The following ZNF618 variants were observed in gnomAD, a reference collection of about 807,000 sequenced individuals.
ZNF618 encodes the protein zinc finger protein 618.
ZNF618 carries 34 observed loss-of-function variants against 103.0 expected under a neutral mutation model. The observed-to-expected ratio is 0.33, with a 90% CI of 0.25 to 0.44. The LOEUF is 0.44. Ranked by LOEUF, ZNF618 falls within the 20% of genes least tolerant of loss-of-function variation. ZNF618 has a pLI of 1.00. For missense variants in ZNF618, 1,059 were observed against 1,295.4 expected, an observed-to-expected ratio of 0.82 and a Z score of 2.80; for synonymous variants, 551 against 542.2, an observed-to-expected ratio of 1.02 and a Z score of -0.23.
intron 10 of ZNF618, among the ~76,000 whole-genome samples, chr9:114,020,782 T>G (rs1258179472): frequency 2.0e-5 from 3 of 152,058 alleles, no homozygotes. Flanking sequence ...TCTGTATTCT[T>G]TTTATTTTTT....
chr9:113,974,895 C>T (rs942797298), intron 2 of ZNF618, among the ~76,000 whole-genome samples: 5 of 152,186 alleles, frequency 3.3e-5, no homozygotes. Context: ...GGCTCCTTAC[C>T]TAGCCTTCCT....
intron 1 of ZNF618, among the ~76,000 whole-genome samples, chr9:113,914,891 C>T (rs1264695590): frequency 6.6e-6 from 1 of 152,184 alleles, no homozygotes; most frequent in Admixed American, 6.5e-5. Flanking sequence ...CCCTCATCTT[C>T]CCAGCACTGG....
rs1841951804 is a variant in ZNF618, at chr9:114,008,458, G to A, written c.677-19G>A. 1 of 1,613,980 alleles carries A rather than the reference G, an allele frequency of 6.2e-7. No homozygotes were observed. The highest frequency in any genetic ancestry group is 1.6e-4 in the Middle Eastern group (1 of 6,062). Reference sequence around the variant, plus strand: ...GACCTGGGGGACCAGGGTGCTAAGGGCCGTGTGTTCTCCCACAGACCCCTT... The same window carrying A: ...GACCTGGGGGACCAGGGTGCTAAGGACCGTGTGTTCTCCCACAGACCCCTT... On this transcript the variant is annotated intron_variant, in intron 8 of 14. Coordinates refer to ENST00000374126, the MANE Select transcript of ZNF618 (RefSeq NM_001318042.2).
intron 1 of ZNF618, among the ~76,000 whole-genome samples, chr9:113,965,481 A>G (rs1357028145): frequency 6.6e-6 from 1 of 152,050 alleles, no homozygotes; most frequent in Non-Finnish European, 1.5e-5. Flanking sequence ...GGAAGAGGGG[A>G]CAGGCACCCT....
chr9:113,997,665 T>C (rs975447454), intron 3 of ZNF618, among the ~76,000 whole-genome samples: 1 of 152,242 alleles, frequency 6.6e-6, no homozygotes, highest in Non-Finnish European at 1.5e-5. Context: ...TAGCCTCTGC[T>C]TCCTCACCCA....
At chr9:113,980,394 C>T (rs2133107605) in intron 2 of ZNF618, among the ~76,000 whole-genome samples, 1 of 151,862 alleles carries the variant, frequency 6.6e-6, no homozygotes, top group Non-Finnish European at 1.5e-5. Context: ...GGGGCCAGTC[C>T]AAGCTGGAGA....
chr9:113,899,595 C>G (rs1179198680), intron 1 of ZNF618, among the ~76,000 whole-genome samples: 3 of 152,200 alleles, frequency 2.0e-5, no homozygotes, highest in African/African-American at 7.2e-5. Context: ...ACAGTTCCAT[C>G]CTGAAACCAT....
chr9:113,908,650 C>A (rs927623713), intron 1 of ZNF618, among the ~76,000 whole-genome samples: 4 of 152,042 alleles, frequency 2.6e-5, no homozygotes, highest in Non-Finnish European at 4.4e-5. Flanking sequence ...CTGCTTGGCC[C>A]CTCTCTGGTT....
intron 13 of ZNF618, among the ~76,000 whole-genome samples, chr9:114,047,668 ACC>A (rs1845776966): frequency 6.6e-6 from 1 of 152,202 alleles, no homozygotes; most frequent in African/African-American, 2.4e-5. Context: ...TGTTAGTCTT[ACC>A]AGCAATAGTG....
chr9:113,939,844 T>G (rs1234795425), intron 1 of ZNF618, among the ~76,000 whole-genome samples: 1 of 152,130 alleles, frequency 6.6e-6, no homozygotes, highest in African/African-American at 2.4e-5. Flanking sequence ...CAAGTTTATT[T>G]TTTAGTTTCT....
chr9:113,876,418 G>C lies in ZNF618; in HGVS notation c.33+5G>C. On this transcript the variant is annotated splice_donor_5th_base_variant and intron_variant, in intron 1 of 14. Coordinates refer to ENST00000374126, the MANE Select transcript of ZNF618 (RefSeq NM_001318042.2). ...GGCGGCGCGGCGGCTCCGCAGGTAC[G>C]ACGGGGGGCCGGGGGCATGCACCGC... is the stretch of plus-strand genomic sequence containing the variant. 8.3e-7 allele frequency: 1 copy of C among 1,202,958 alleles called. No homozygotes were observed. The allele number at this position is 1,202,958 out of a possible 1,614,324, so 74.5% of individuals were successfully genotyped here. A position where few individuals can be genotyped will look rare whatever the true frequency, so the allele number is the denominator to read the frequency against.
rs1198811006 is a variant in ZNF618, at chr9:113,964,224, C to G, written c.34-4893C>G. On this transcript the variant is annotated intron_variant, in intron 1 of 14. Coordinates refer to ENST00000374126, the MANE Select transcript of ZNF618 (RefSeq NM_001318042.2). The stretch of plus-strand genomic sequence containing the variant: ...CATTTGTGGCAGCACCTCAGCCTCC[C>G]CGAGCCTCAGGCTCGGTTCTCTTAT... 2.6e-5 allele frequency among the ~76,000 whole-genome samples: 4 copies of G among 152,142 alleles called. No homozygotes were observed. The East Asian group carries it at 7.7e-4, about 29-fold the overall frequency.
intron 1 of ZNF618, among the ~76,000 whole-genome samples, chr9:113,963,045 G>A (rs1041263083): frequency 6.6e-5 from 10 of 152,190 alleles, no homozygotes; most frequent in African/African-American, 2.4e-4. Context: ...GAGACAGAAA[G>A]TTACATGTTA....
At chr9:114,006,668 A>G (rs1364134873) in intron 6 of ZNF618, among the ~76,000 whole-genome samples, 1 of 152,228 alleles carries the variant, frequency 6.6e-6, no homozygotes, top group Non-Finnish European at 1.5e-5. Flanking sequence ...GAATTTGGAT[A>G]TGGCTTTGCT....
chr9:113,976,808 T>C (rs1478795919), intron 2 of ZNF618, among the ~76,000 whole-genome samples: 2 of 152,180 alleles, frequency 1.3e-5, no homozygotes, highest in Non-Finnish European at 2.9e-5. Context: ...TTTTGTCTGG[T>C]GTATTTAGTA....
intron 1 of ZNF618, among the ~76,000 whole-genome samples, chr9:113,895,970 T>C (rs1172245122): frequency 6.6e-6 from 1 of 152,126 alleles, no homozygotes; most frequent in Admixed American, 6.5e-5. Context: ...ATTTGAACTG[T>C]ATTTGCATAG....
At position 114,021,304 on chromosome 9, in the gene ZNF618, C is replaced by T. The variant is rs376583285; in HGVS notation, c.844+4520C>T. On this transcript the variant is annotated intron_variant, in intron 10 of 14. Coordinates refer to ENST00000374126, the MANE Select transcript of ZNF618 (RefSeq NM_001318042.2). ...ATATGTATACATTGTGGAATAACCC[C>T]ACAATCAAGTTCTTGCTTAGGCATC... Among the ~76,000 whole-genome samples the T allele has an allele frequency of 9.2e-5, 14 of 152,104 alleles. No homozygotes were observed. The East Asian group carries it at 1.5e-3, about 17-fold the overall frequency.
intron 1 of ZNF618, among the ~76,000 whole-genome samples, chr9:113,882,880 G>T (rs897835281): frequency 6.6e-6 from 1 of 152,102 alleles, no homozygotes; most frequent in African/African-American, 2.4e-5. Context: ...CTTCTGTAGA[G>T]CTCCCCCAAC....
At chr9:113,994,386 T>C (rs565675517) in intron 3 of ZNF618, among the ~76,000 whole-genome samples, 1 of 152,288 alleles carries the variant, frequency 6.6e-6, no homozygotes, top group Admixed American at 6.5e-5. Context: ...CACTCAGCTC[T>C]TTGCTGCAGC....
Sources: gnomAD v4.1 joint callset for allele counts (sites outside exome capture counted in the v4.1 genomes callset) on GRCh38, gnomAD v4.1.1 for gene constraint, MANE v1.5 for transcripts, NCBI Gene and HGNC (gene_info 2026-07-23, HGNC 2026-07-21) for gene names.